The following RSRC1 variants were observed in gnomAD, a reference collection of about 807,000 sequenced individuals.
The protein encoded by RSRC1 is arginine and serine rich coiled-coil 1.
In RSRC1, 39 loss-of-function variants were observed where a neutral mutation model predicts 49.1. The ratio of observed to expected loss-of-function variants is 0.79; its 90% CI spans 0.61 to 1.04. RSRC1 has a LOEUF of 1.04. RSRC1 is among the 50% of genes least tolerant of loss of function. The pLI is 0.00. For synonymous variants in RSRC1, 143 were observed against 130.8 expected (o/e 1.09, Z -0.63); for missense variants, 388 against 402.4 (o/e 0.96, Z 0.31).
At chr3:158,449,950 A>C (rs774629545) in intron 6 of RSRC1, among the ~76,000 whole-genome samples, 7 of 151,946 alleles carry the variant, frequency 4.6e-5, no homozygotes, top group Non-Finnish European at 8.8e-5. Context: ...TGCAACTATA[A>C]TTGACGTGTC....
chr3:158,538,285 C>T (rs1367097009), intron 8 of RSRC1, among the ~76,000 whole-genome samples: 1 of 151,782 alleles, frequency 6.6e-6, no homozygotes, highest in African/African-American at 2.4e-5. Context: ...GGCATAGGAC[C>T]AGATAGCCCT....
At chr3:158,479,224 T>C (rs1375697375) in intron 7 of RSRC1, among the ~76,000 whole-genome samples, 3 of 149,250 alleles carry the variant, frequency 2.0e-5, no homozygotes, top group Non-Finnish European at 4.5e-5. Context: ...TTAAATATAG[T>C]ATTATTTTTA....
chr3:158,436,787 T>C (rs1736065209), intron 6 of RSRC1, among the ~76,000 whole-genome samples: 10 of 152,004 alleles, frequency 6.6e-5, no homozygotes, highest in Admixed American at 6.6e-4. Flanking sequence ...CCCTGGGCTA[T>C]AATACTATTG....
intron 6 of RSRC1, among the ~76,000 whole-genome samples, chr3:158,422,734 C>T (rs569841335): frequency 6.6e-6 from 1 of 150,778 alleles, no homozygotes; most frequent in African/African-American, 2.4e-5. Context: ...CTCTCCAGCA[C>T]CTGTTGTTTC....
intron 3 of RSRC1, among the ~76,000 whole-genome samples, chr3:158,148,742 C>T (rs1717326043): frequency 6.6e-6 from 1 of 151,520 alleles, no homozygotes; most frequent in Non-Finnish European, 1.5e-5. Context: ...TTCTGCAGAA[C>T]TGGATTGCCT....
chr3:158,358,902 GTA>G (rs1442211844), intron 6 of RSRC1, among the ~76,000 whole-genome samples: 3 of 126,444 alleles, frequency 2.4e-5, no homozygotes, highest in Non-Finnish European at 4.9e-5. Context: ...GTGTATGTGT[GTA>G]TATATATATA....
intron 4 of RSRC1, among the ~76,000 whole-genome samples, chr3:158,225,269 G>C (rs542439694): frequency 6.6e-6 from 1 of 151,936 alleles, no homozygotes; most frequent in East Asian, 1.9e-4. Context: ...AAGTTACGTA[G>C]TTGTCTAAGT....
In RSRC1 at chr3:158,306,137, T is replaced by C. The variant is rs144527771; in HGVS notation, c.531+8062T>C. ...ATATTATAAAGTACCTTAATACGTG[T>C]TCATTGTAATATGTCAAAAAACTGA... On this transcript the variant is annotated intron_variant, in intron 5 of 9. Transcript: ENST00000611884. Among the ~76,000 whole-genome samples the C allele has an allele frequency of 6.5e-4, 99 of 152,082 alleles. No homozygotes were observed. The East Asian group carries it at 0.015, about 23-fold the overall frequency.
chr3:158,414,831 G>GA (rs1001577803), intron 6 of RSRC1, among the ~76,000 whole-genome samples: 21 of 151,914 alleles, frequency 1.4e-4, no homozygotes, highest in African/African-American at 3.1e-4. Flanking sequence ...CAATTTTCAA[G>GA]AAAAAAAATC....
At chr3:158,247,281 ATTC>A (rs912142367) in intron 4 of RSRC1, among the ~76,000 whole-genome samples, 8 of 151,734 alleles carry the variant, frequency 5.3e-5, no homozygotes, top group African/African-American at 1.7e-4. Context: ...TTTTATTCTG[ATTC>A]TTAGCTTTTT....
chr3:158,217,898 T>C (rs28620769), intron 4 of RSRC1, among the ~76,000 whole-genome samples: 13,167 of 151,302 alleles, frequency 0.087, 706 homozygotes, highest in Middle Eastern at 0.15. Context: ...CCTAGAATAG[T>C]TGGGGCAAAC....
At chr3:158,145,971 A>G (rs1365957900) in intron 3 of RSRC1, among the ~76,000 whole-genome samples, 1 of 152,172 alleles carries the variant, frequency 6.6e-6, no homozygotes, top group Non-Finnish European at 1.5e-5. Flanking sequence ...ATGTTTGCAC[A>G]TTGATTTTGT....
chr3:158,422,192 A>T (rs1227663796), intron 6 of RSRC1, among the ~76,000 whole-genome samples: 2 of 149,064 alleles, frequency 1.3e-5, no homozygotes, highest in African/African-American at 4.9e-5. Flanking sequence ...ATCATCTAGC[A>T]TTAGGTATAT....
intron 6 of RSRC1, among the ~76,000 whole-genome samples, chr3:158,425,862 C>A (rs1175954298): frequency 6.6e-6 from 1 of 151,696 alleles, no homozygotes; most frequent in Non-Finnish European, 1.5e-5. Flanking sequence ...TTAATCAAGA[C>A]AACTTCGAAT....
intron 5 of RSRC1, among the ~76,000 whole-genome samples, chr3:158,328,003 GT>G (rs909346696): frequency 2.0e-5 from 3 of 151,978 alleles, no homozygotes; most frequent in African/African-American, 7.3e-5. Context: ...TCTTTGTCTC[GT>G]TTGATGTTTT....
In RSRC1 at chr3:158,364,359, C is replaced by T. The variant is rs73874388; in HGVS notation, c.583+9451C>T. On this transcript the variant is annotated intron_variant, in intron 6 of 9. Transcript: ENST00000611884. ...AGAGCCTTTCATGTTAGGGCAAACC[C>T]CCCAAAAAGAGCAGGAGATTGAAAC... Among the ~76,000 whole-genome samples the T allele has an allele frequency of 4.4e-3, 664 of 152,074 alleles. 6 individuals carry two copies. The highest frequency in any genetic ancestry group is 0.015 in the African/African-American group (642 of 41,486).
chr3:158,193,613 G>A (rs1166047106), intron 3 of RSRC1, among the ~76,000 whole-genome samples: 6 of 151,920 alleles, frequency 3.9e-5, no homozygotes, highest in Non-Finnish European at 8.8e-5. Flanking sequence ...TCACAAAAAA[G>A]GCTGCCTTCC....
intron 6 of RSRC1, among the ~76,000 whole-genome samples, chr3:158,416,017 T>C (rs1734719322): frequency 6.6e-6 from 1 of 152,058 alleles, no homozygotes; most frequent in Non-Finnish European, 1.5e-5. Flanking sequence ...GGCTACATTT[T>C]TTATTCTGAA....
intron 3 of RSRC1, among the ~76,000 whole-genome samples, chr3:158,171,864 T>C (rs921703519): frequency 1.3e-5 from 2 of 151,984 alleles, no homozygotes; most frequent in African/African-American, 4.8e-5. Context: ...GGTGGGAGGA[T>C]GACATGAATC....
Sources: allele counts gnomAD v4.1 joint callset (sites outside exome capture counted in the v4.1 genomes callset), GRCh38; gene constraint gnomAD v4.1.1; transcripts MANE v1.5; gene names NCBI Gene and HGNC (gene_info 2026-07-23, HGNC 2026-07-21).